Variants in FAM120B observed in about 807,000 individuals in gnomAD.
The protein encoded by FAM120B is constitutive coactivator of peroxisome proliferator-activated receptor gamma.
Under a neutral mutation model 96.3 loss-of-function variants are expected in FAM120B, and 83 were observed. That is an observed-to-expected ratio of 0.86 (90% CI 0.72 to 1.03). The LOEUF (loss-of-function observed/expected upper bound fraction) is 1.03, where lower values mean the gene tolerates loss of function less well. FAM120B is among the 50% of genes least tolerant of loss of function. The probability of loss-of-function intolerance (pLI) is 0.00; values close to 1 mark genes in which losing one functional copy is unlikely to be tolerated. For synonymous variants in FAM120B, 407 were observed against 402.7 expected (o/e 1.01, Z -0.13); for missense variants, 1,027 against 1,121.2 (o/e 0.92, Z 1.20).
At chr6:170,343,422 C>A (rs1405954942) in intron 4 of FAM120B, among the ~76,000 whole-genome samples, 5 of 151,982 alleles carry the variant, frequency 3.3e-5, no homozygotes, top group African/African-American at 1.2e-4. Context: ...TATCTTATCT[C>A]CTAAATTAGT....
Position 170,295,639 on chromosome 6 carries a change from G to A in FAM120B, c.48+186G>A, listed in dbSNP as rs1304397621. Among the ~76,000 whole-genome samples, 1 of 152,218 alleles carries A rather than the reference G, an allele frequency of 6.6e-6. No individual in the cohort carries two copies. The highest frequency in any genetic ancestry group is 6.5e-5 in the Admixed American group (1 of 15,288). On this transcript the variant is annotated intron_variant, in intron 1 of 10. Transcript: ENST00000537664. The surrounding 1 kb of genome is among the most constrained non-coding windows in gnomAD (Gnocchi z 7.8). ...CGGCTCCTAAGCCTCCCCGCTGGCC[G>A]CGGCTGCGCCGCTGGAGACCCGGCG...
chr6:170,376,577 A>T (rs1405050841), intron 6 of FAM120B, among the ~76,000 whole-genome samples: 1 of 152,124 alleles, frequency 6.6e-6, no homozygotes, highest in Non-Finnish European at 1.5e-5. Flanking sequence ...GGTATGCAAG[A>T]AAAGACCGGT....
At chr6:170,368,817 G>GGC (rs1246135235) in intron 6 of FAM120B, among the ~76,000 whole-genome samples, 1 of 66,864 alleles carries the variant, frequency 1.5e-5, no homozygotes, top group African/African-American at 4.6e-5. Context: ...TGTCTGCCGG[G>GGC]GCTGGGGGGG....
intron 4 of FAM120B, among the ~76,000 whole-genome samples, chr6:170,331,605 T>C (rs747261669): frequency 1.3e-5 from 2 of 152,240 alleles, no homozygotes; most frequent in Non-Finnish European, 2.9e-5. Context: ...AAATGTTTTA[T>C]TATATATGTA....
At chr6:170,401,741 T>C (rs1778593889) in intron 9 of FAM120B, among the ~76,000 whole-genome samples, 1 of 152,222 alleles carries the variant, frequency 6.6e-6, no homozygotes, top group African/African-American at 2.4e-5. Flanking sequence ...AAGGAAATGC[T>C]CCTTGAAGCA....
chr6:170,305,157 C>T (rs1157198117), upstream of FAM120B, among the ~76,000 whole-genome samples: 2 of 152,044 alleles, frequency 1.3e-5, no homozygotes, highest in Non-Finnish European at 2.9e-5. Context: ...TAATTTCAAC[C>T]TATGAACTTG....
At chr6:170,296,885 G>A (rs1784025606) in intron 1 of FAM120B, among the ~76,000 whole-genome samples, 1 of 152,184 alleles carries the variant, frequency 6.6e-6, no homozygotes, top group Non-Finnish European at 1.5e-5. Flanking sequence ...ATCGCAGCCT[G>A]TGACTTTGTA....
chr6:170,326,429 T>C (rs1256963934), intron 3 of FAM120B, among the ~76,000 whole-genome samples: 1 of 152,184 alleles, frequency 6.6e-6, no homozygotes, highest in Admixed American at 6.5e-5. Context: ...CTGTTTTTCA[T>C]CTCTATGTTC....
At chr6:170,295,296 C>A, upstream of FAM120B, 1 of 660,634 alleles carries the variant, frequency 1.5e-6, no homozygotes, top group Non-Finnish European at 2.8e-6. This position sits in a 1 kb window ranked among gnomAD's most constrained non-coding sequence, Gnocchi z 7.8. Flanking sequence ...CACGCCCACC[C>A]AAGTGGGTGC....
At chr6:170,390,462 A>G (rs376740718) in intron 7 of FAM120B, among the ~76,000 whole-genome samples, 2 of 151,880 alleles carry the variant, frequency 1.3e-5, no homozygotes, top group South Asian at 2.1e-4. Context: ...CCAAGTGATT[A>G]TACGTTCTAG....
upstream of FAM120B, among the ~76,000 whole-genome samples, chr6:170,306,268 G>A (rs920749696): frequency 2.0e-5 from 3 of 152,282 alleles, no homozygotes; most frequent in Admixed American, 6.5e-5. Flanking sequence ...ACGTGGCGGG[G>A]AAGCGCGCGG....
At chr6:170,334,051 G>C (rs1180274129) in intron 4 of FAM120B, among the ~76,000 whole-genome samples, 4 of 152,146 alleles carry the variant, frequency 2.6e-5, no homozygotes, top group African/African-American at 4.8e-5. Flanking sequence ...CCAAAGGCAA[G>C]CATTTGAAAT....
chr6:170,361,216 A>ATATATATATACACG (rs1788387936), intron 6 of FAM120B, among the ~76,000 whole-genome samples: 1 of 106,862 alleles, frequency 9.4e-6, no homozygotes, highest in African/African-American at 3.8e-5. Context: ...ATATATATAT[A>ATATATATATACACG]TATATATATA....
At chr6:170,371,580 C>T (rs1020649755) in intron 6 of FAM120B, among the ~76,000 whole-genome samples, 3 of 152,102 alleles carry the variant, frequency 2.0e-5, no homozygotes, top group Admixed American at 6.5e-5. Context: ...GTGTAAAAAA[C>T]ATTTGGAATA....
At chr6:170,313,250 T>C (rs1784700984) in intron 1 of FAM120B, among the ~76,000 whole-genome samples, 1 of 152,186 alleles carries the variant, frequency 6.6e-6, no homozygotes, top group South Asian at 2.1e-4. Context: ...GGATTTTCGG[T>C]CCCTGTTCTC....
chr6:170,341,005 T>C (rs1786785106), intron 4 of FAM120B, among the ~76,000 whole-genome samples: 1 of 152,210 alleles, frequency 6.6e-6, no homozygotes, highest in Non-Finnish European at 1.5e-5. Flanking sequence ...TCAGCAGAGC[T>C]GGAGTGCTGT....
chr6:170,356,971 A>C (rs1026710729), intron 5 of FAM120B, among the ~76,000 whole-genome samples: 2 of 152,222 alleles, frequency 1.3e-5, no homozygotes, highest in African/African-American at 4.8e-5. Flanking sequence ...GGCAGGTCCA[A>C]GCAGCAGTCA....
chr6:170,314,581 CTT>C (rs1368958963), intron 1 of FAM120B, among the ~76,000 whole-genome samples: 19 of 152,280 alleles, frequency 1.2e-4, no homozygotes, highest in African/African-American at 4.3e-4. Flanking sequence ...GGTAGAATGA[CTT>C]TTATATACAC....
chr6:170,397,843 T>A, intron 9 of FAM120B, among the ~76,000 whole-genome samples: 1 of 152,216 alleles, frequency 6.6e-6, no homozygotes, highest in East Asian at 1.9e-4. Context: ...AGAACCCACC[T>A]GACCCAGTAA....
Sources: gnomAD v4.1 joint callset for allele counts (sites outside exome capture counted in the v4.1 genomes callset) on GRCh38, gnomAD v4.1.1 for gene constraint, Gnocchi (gnomAD v3.1) non-coding constraint, MANE v1.5 for transcripts, NCBI Gene and HGNC (gene_info 2026-07-23, HGNC 2026-07-21) for gene names.